The following ZNRF3 variants were observed in gnomAD, a reference collection of about 807,000 sequenced individuals.
ZNRF3 encodes the protein E3 ubiquitin-protein ligase ZNRF3.
A neutral mutation model predicts 72.5 loss-of-function variants in ZNRF3; 23 were observed. That is an observed-to-expected ratio of 0.32 (90% confidence interval 0.23 to 0.45). ZNRF3 has a LOEUF of 0.45. Ranked by LOEUF, ZNRF3 falls within the 20% of genes least tolerant of loss-of-function variation. ZNRF3 has a pLI of 1.00. For synonymous variants in ZNRF3, 610 were observed against 545.3 expected (o/e 1.12, Z -1.65); for missense variants, 1,169 against 1,272.1 (o/e 0.92, Z 1.23).
chr22:29,014,700 A>C (rs2036404185), intron 2 of ZNRF3, among the ~76,000 whole-genome samples: 1 of 152,212 alleles, frequency 6.6e-6, no homozygotes, highest in African/African-American at 2.4e-5. Flanking sequence ...TACAGTACTT[A>C]TTAAAGTAGA....
intron 1 of ZNRF3, among the ~76,000 whole-genome samples, chr22:28,899,179 C>A (rs955113539): frequency 6.6e-6 from 1 of 152,130 alleles, no homozygotes; most frequent in African/African-American, 2.4e-5. Context: ...AGGCTTAAAT[C>A]TCTAGGACAC....
chr22:29,049,932 C>T lies in ZNRF3; in HGVS notation c.1751C>T (p.Ser584Phe). ...VSNQGVYGSC[S>F]TFRSSLSSDY... ...AACCAGGGCGTGTACGGGAGCTGCT[C>T]CACCTTCCGCAGCTCCCTCAGCAGC... Residue 584 changes from serine (S) to phenylalanine (F), a missense_variant, in exon 8 of 9, where the codon TCC becomes TTC. By Grantham distance (155) the Ser-to-Phe change is radical (BLOSUM62 -2). Coordinates refer to ENST00000544604, the MANE Select transcript of ZNRF3 (RefSeq NM_001206998.2). The surrounding 1 kb of genome is among the most constrained non-coding windows in gnomAD (Gnocchi z 5.2). 1 of 1,609,382 alleles carries T rather than the reference C, an allele frequency of 6.2e-7. No homozygotes were observed.
intron 1 of ZNRF3, chr22:28,986,524 A>G (rs113228722): frequency 1.4e-4 from 113 of 794,438 alleles, no homozygotes; most frequent in Admixed American, 1.1e-3. Flanking sequence ...AAAGACCTCA[A>G]AGAATTTTAT....
intron 1 of ZNRF3, among the ~76,000 whole-genome samples, chr22:28,960,687 CT>C (rs1357275138): frequency 4.6e-5 from 7 of 152,188 alleles, no homozygotes; most frequent in African/African-American, 1.7e-4. Context: ...TTACTGCCCC[CT>C]TTTGAAACTG....
intron 1 of ZNRF3, among the ~76,000 whole-genome samples, chr22:28,920,702 A>C (rs1569246416): frequency 6.6e-6 from 1 of 152,048 alleles, no homozygotes; most frequent in South Asian, 2.1e-4. Context: ...TTTCCCTCTC[A>C]TTAGAAAGGG....
chr22:29,004,286 T>G (rs1311623543), intron 2 of ZNRF3, among the ~76,000 whole-genome samples: 1 of 152,158 alleles, frequency 6.6e-6, no homozygotes, highest in Non-Finnish European at 1.5e-5. Flanking sequence ...TAACAGACTT[T>G]AGTCATATTG....
chr22:28,967,938 A>C (rs12169126), intron 1 of ZNRF3, among the ~76,000 whole-genome samples: 1 of 151,482 alleles, frequency 6.6e-6, no homozygotes, highest in Admixed American at 6.6e-5. Context: ...AAAAAAAAAA[A>C]AAAAAGAAAA....
intron 1 of ZNRF3, among the ~76,000 whole-genome samples, chr22:28,957,791 C>T (rs1364242680): frequency 6.6e-6 from 1 of 152,040 alleles, no homozygotes; most frequent in Non-Finnish European, 1.5e-5. Context: ...AGTGAAGTTT[C>T]TTGAGACTGT....
intron 2 of ZNRF3, among the ~76,000 whole-genome samples, chr22:29,010,323 A>G (rs534556879): frequency 1.3e-5 from 2 of 152,086 alleles, no homozygotes; most frequent in East Asian, 3.9e-4. Context: ...TGACCACTCC[A>G]GGTCTTTTGT....
chr22:29,000,578 A>G (rs1044205069), intron 2 of ZNRF3, among the ~76,000 whole-genome samples: 1 of 152,244 alleles, frequency 6.6e-6, no homozygotes, highest in Non-Finnish European at 1.5e-5. Context: ...TACAATTTAT[A>G]GCATCAACTT....
chr22:28,918,688 G>A (rs567852280), intron 1 of ZNRF3, among the ~76,000 whole-genome samples: 13 of 152,232 alleles, frequency 8.5e-5, no homozygotes, highest in Non-Finnish European at 1.5e-4. Flanking sequence ...TCCCTAGGGC[G>A]GGTCTGAGTC....
At chr22:28,987,303 G>C in intron 2 of ZNRF3, 102 bp downstream of exon 2, 3 of 1,503,392 alleles carry the variant, frequency 2.0e-6, no homozygotes, top group Non-Finnish European at 2.7e-6. Flanking sequence ...GAGCCATGCT[G>C]GCACAGTGCT....
intron 1 of ZNRF3, among the ~76,000 whole-genome samples, chr22:28,973,439 C>T (rs2035611582): frequency 6.6e-6 from 1 of 152,120 alleles, no homozygotes; most frequent in Non-Finnish European, 1.5e-5. Context: ...TGTATCTGAA[C>T]ATCAGAAATA....
Position 29,048,367 on chromosome 22 carries a change from T to G in ZNRF3, c.913-22T>G. ...ACCTGCGAGGCTGAAGGCAGACTTG[T>G]GTCCCCTCTCTCCCTGCCCAGGAGC... On this transcript the variant is annotated intron_variant, in intron 6 of 8. Transcript: ENST00000544604. This position sits in a 1 kb window ranked among gnomAD's most constrained non-coding sequence, Gnocchi z 4.9. The G allele has an allele frequency of 1.2e-6, 2 of 1,607,766 alleles. No homozygotes were observed. The highest frequency in any genetic ancestry group is 1.3e-5 in the African/African-American group (1 of 74,956).
intron 1 of ZNRF3, among the ~76,000 whole-genome samples, chr22:28,966,889 T>TTTTTTTTTTTG (rs1555975724): frequency 1.6e-4 from 23 of 147,512 alleles, no homozygotes; most frequent in African/African-American, 5.8e-4. Context: ...TTTTTTTTTT[T>TTTTTTTTTTTG]GAGATGGAGT....
intron 1 of ZNRF3, among the ~76,000 whole-genome samples, chr22:28,975,123 A>G (rs986933793): frequency 2.0e-5 from 3 of 152,118 alleles, no homozygotes; most frequent in Non-Finnish European, 2.9e-5. Context: ...TTCATCATAT[A>G]AAGTTACTAC....
At chr22:28,909,125 C>T (rs532596391) in intron 1 of ZNRF3, among the ~76,000 whole-genome samples, 1 of 152,056 alleles carries the variant, frequency 6.6e-6, no homozygotes, top group East Asian at 1.9e-4. Flanking sequence ...AGGCTGGTCT[C>T]GAACTCCTGA....
chr22:29,040,732 C>G (rs1443937940), intron 2 of ZNRF3, among the ~76,000 whole-genome samples: 1 of 152,190 alleles, frequency 6.6e-6, no homozygotes, highest in Non-Finnish European at 1.5e-5. Context: ...GACAGATTGT[C>G]CAGAGTGCCA....
chr22:28,929,595 G>A (rs1037846384), intron 1 of ZNRF3, among the ~76,000 whole-genome samples: 4 of 152,124 alleles, frequency 2.6e-5, no homozygotes, highest in Admixed American at 6.5e-5. Flanking sequence ...AAATTTCTGC[G>A]GAGGGACATT....
Sources: gnomAD v4.1 joint callset for allele counts (sites outside exome capture counted in the v4.1 genomes callset) on GRCh38, gnomAD v4.1.1 for gene constraint, Gnocchi (gnomAD v3.1) non-coding constraint, MANE v1.5 for transcripts, NCBI Gene and HGNC (gene_info 2026-07-23, HGNC 2026-07-21) for gene names.